Variants in MTUS2 observed in about 807,000 individuals in gnomAD.
The protein encoded by MTUS2 is microtubule-associated tumor suppressor candidate 2.
A neutral mutation model predicts 114.1 loss-of-function variants in MTUS2; 40 were observed. The ratio of observed to expected loss-of-function variants is 0.35; its 90% CI spans 0.27 to 0.46. The LOEUF (loss-of-function observed/expected upper bound fraction) is 0.46. MTUS2 is among the 20% of genes least tolerant of loss of function. MTUS2 has a pLI of 1.00. For synonymous variants in MTUS2, 688 were observed against 672.0 expected, an observed-to-expected ratio of 1.02 and a Z score of -0.37; for missense variants, 1,679 against 1,705.4, an observed-to-expected ratio of 0.98 and a Z score of 0.27.
chr13:29,433,954 A>G (rs1463034306), intron 8 of MTUS2, among the ~76,000 whole-genome samples: 1 of 152,120 alleles, frequency 6.6e-6, no homozygotes, highest in Non-Finnish European at 1.5e-5. Flanking sequence ...CTCTTATTTA[A>G]TTTCCTGTTG....
rs371216693 is a variant in MTUS2, at chr13:29,498,502, G to C, written c.3763G>C (p.Glu1255Gln). 6.2e-7 allele frequency: 1 copy of C among 1,614,154 alleles called. No homozygotes were observed. The highest frequency in any genetic ancestry group is 1.7e-5 in the Admixed American group (1 of 60,030). ...AGAAATGAAGAATCAGCAAATACAC[G>C]AGCAAGAAAAGAAGATTCTTGAGCT... ...VLEMKNQQIH[E>Q]QEKKILELEK... Residue 1255 changes from glutamate (E) to glutamine (Q), a missense_variant, in exon 14 of 16, where the codon GAG (glutamate) becomes CAG (glutamine). Transcript: ENST00000612955.
At chr13:29,309,427 G>T (rs897470733) in intron 6 of MTUS2, among the ~76,000 whole-genome samples, 1 of 152,050 alleles carries the variant, frequency 6.6e-6, no homozygotes, top group African/African-American at 2.4e-5. Flanking sequence ...TGGGGCCTGT[G>T]GGGTGGAGGA....
At chr13:28,895,301 T>C (rs1319882538) in intron 2 of MTUS2, among the ~76,000 whole-genome samples, 5 of 152,214 alleles carry the variant, frequency 3.3e-5, no homozygotes, top group South Asian at 4.1e-4. Context: ...TAGGCTGATA[T>C]AGTGGCAGTA....
rs1898286007 is a variant in MTUS2 at position 29,281,849 on chromosome 13, C to T, written c.2790C>T (p.Ser930=). 3.7e-6 allele frequency: 6 copies of T among 1,600,866 alleles called. No individual in the cohort carries two copies. The East Asian group carries it at 1.3e-4, about 36-fold the overall frequency. ...GGAGTTTACTTCCAGCGCCAAAATC[C>T]ACTTCCACACCCGCTGGTAAGACTT... is the stretch of plus-strand genomic sequence containing the variant. ...PRRSLLPAPK[S]TSTPAGTKKD... is the part of the protein sequence containing the mutation. Residue 930 remains serine (S), a synonymous_variant, in exon 6 of 16, where the codon TCC becomes TCT. Coordinates refer to ENST00000612955, the MANE Select transcript of MTUS2 (RefSeq NM_001033602.4).
chr13:29,221,228 C>T (rs1593184480), intron 5 of MTUS2, among the ~76,000 whole-genome samples: 1 of 152,338 alleles, frequency 6.6e-6, no homozygotes, highest in Non-Finnish European at 1.5e-5. Flanking sequence ...AGGAGAACCA[C>T]AGATTGTGAA....
intron 2 of MTUS2, among the ~76,000 whole-genome samples, chr13:28,967,678 T>C (rs529150184): frequency 6.6e-6 from 1 of 152,314 alleles, no homozygotes; most frequent in South Asian, 2.1e-4. Flanking sequence ...TAGAGCTCCG[T>C]GGCCCTTCTC....
At chr13:29,208,210 G>T (rs1895274454) in intron 5 of MTUS2, among the ~76,000 whole-genome samples, 1 of 151,896 alleles carries the variant, frequency 6.6e-6, no homozygotes, top group South Asian at 2.1e-4. Flanking sequence ...TTTCTACTTT[G>T]TGCATGTAAA....
At chr13:29,022,765 A>T (rs1886346990) in intron 2 of MTUS2, among the ~76,000 whole-genome samples, 1 of 152,220 alleles carries the variant, frequency 6.6e-6, no homozygotes, top group Non-Finnish European at 1.5e-5. Flanking sequence ...AGTGGATGAA[A>T]CAATGTCAAC....
chr13:28,837,661 A>T (rs1038794995), intron 1 of MTUS2, among the ~76,000 whole-genome samples: 2 of 152,164 alleles, frequency 1.3e-5, no homozygotes, highest in Non-Finnish European at 2.9e-5. Flanking sequence ...ACTCCTTTCC[A>T]CAATGTGAAG....
chr13:29,284,679 G>A (rs1056293887), intron 6 of MTUS2, among the ~76,000 whole-genome samples: 2 of 152,166 alleles, frequency 1.3e-5, no homozygotes, highest in Non-Finnish European at 2.9e-5. Context: ...GAATTGCAAC[G>A]AAAATCTGAA....
intron 2 of MTUS2, among the ~76,000 whole-genome samples, chr13:28,967,480 C>T (rs1883650057): frequency 6.6e-6 from 1 of 152,140 alleles, no homozygotes. Flanking sequence ...TGTTAAGAGA[C>T]TCTTGATTTA....
chr13:28,923,453 A>G (rs997063279), intron 2 of MTUS2, among the ~76,000 whole-genome samples: 8 of 152,206 alleles, frequency 5.3e-5, no homozygotes, highest in African/African-American at 1.7e-4. Context: ...CCTGGCCTAC[A>G]TTTGTGGGTT....
At chr13:29,437,110 G>A (rs1361113706) in intron 8 of MTUS2, among the ~76,000 whole-genome samples, 1 of 152,186 alleles carries the variant, frequency 6.6e-6, no homozygotes, top group East Asian at 1.9e-4. Context: ...CCTAGGGCAT[G>A]ACTCTGATAA....
intron 5 of MTUS2, among the ~76,000 whole-genome samples, chr13:29,128,449 A>C (rs181186131): frequency 6.6e-6 from 1 of 152,284 alleles, no homozygotes; most frequent in East Asian, 1.9e-4. Flanking sequence ...GATGGGCAAA[A>C]GAGGTCTTCA....
At chr13:29,051,589 C>G (rs1887899866) in intron 4 of MTUS2, among the ~76,000 whole-genome samples, 1 of 152,130 alleles carries the variant, frequency 6.6e-6, no homozygotes, top group Non-Finnish European at 1.5e-5. Flanking sequence ...GAAGGCTCAG[C>G]AGCAACAGCT....
chr13:28,982,328 A>G (rs1884394186), intron 2 of MTUS2, among the ~76,000 whole-genome samples: 1 of 148,206 alleles, frequency 6.7e-6, no homozygotes. Context: ...CTTCACACCT[A>G]TGAGGATGGT....
intron 5 of MTUS2, among the ~76,000 whole-genome samples, chr13:29,148,633 C>T (rs1343411234): frequency 2.6e-5 from 3 of 115,402 alleles, no homozygotes; most frequent in African/African-American, 7.8e-5. Flanking sequence ...CGCCCGCCAC[C>T]ACGCCCGGCT....
At chr13:29,328,812 C>T (rs566421758) in intron 7 of MTUS2, among the ~76,000 whole-genome samples, 25 of 152,128 alleles carry the variant, frequency 1.6e-4, no homozygotes, top group Non-Finnish European at 2.1e-4. Flanking sequence ...CTGTGGCAGC[C>T]GTTTCAAAAC....
intron 8 of MTUS2, among the ~76,000 whole-genome samples, chr13:29,423,567 A>G (rs1036487157): frequency 3.9e-5 from 6 of 152,254 alleles, no homozygotes; most frequent in African/African-American, 9.6e-5. Flanking sequence ...AATTAGTGCA[A>G]TGGACTAAAA....
Sources: gnomAD v4.1 joint callset for allele counts (sites outside exome capture counted in the v4.1 genomes callset) on GRCh38, gnomAD v4.1.1 for gene constraint, MANE v1.5 for transcripts, NCBI Gene and HGNC (gene_info 2026-07-23, HGNC 2026-07-21) for gene names.